Variants in STK39 observed in about 807,000 individuals in gnomAD.
The protein encoded by STK39 is STE20/SPS1-related proline-alanine-rich protein kinase.
A neutral mutation model predicts 77.8 loss-of-function variants in STK39; 20 were observed. That is an observed-to-expected ratio of 0.26 (90% CI 0.18 to 0.37). The LOEUF (loss-of-function observed/expected upper bound fraction) is 0.37, where lower values mean the gene tolerates loss of function less well. Among genes scored for constraint, STK39 ranks in the 10% least tolerant of loss-of-function variants. The pLI is 1.00. For synonymous variants in STK39, 246 were observed against 234.1 expected, an observed-to-expected ratio of 1.05 and a Z score of -0.47; for missense variants, 479 against 656.5, an observed-to-expected ratio of 0.73 and a Z score of 2.95.
At chr2:167,965,258 T>C (rs537766537) in intron 16 of STK39, among the ~76,000 whole-genome samples, 2 of 152,366 alleles carry the variant, frequency 1.3e-5, no homozygotes, top group Non-Finnish European at 2.9e-5. Context: ...GGATAACCTC[T>C]ACAACTCAAG....
chr2:168,046,142 C>T (rs1446849636), intron 14 of STK39, among the ~76,000 whole-genome samples: 2 of 151,954 alleles, frequency 1.3e-5, no homozygotes, highest in African/African-American at 2.4e-5. Flanking sequence ...CTGAGGCGGG[C>T]GGATCACGAG....
At chr2:168,171,540 C>T (rs1270157147) in intron 2 of STK39, among the ~76,000 whole-genome samples, 3 of 150,348 alleles carry the variant, frequency 2.0e-5, no homozygotes, top group Non-Finnish European at 4.4e-5. Flanking sequence ...GGCTGGAGTG[C>T]AATGGCGCAA....
At chr2:167,988,282 A>G (rs1683609845) in intron 16 of STK39, among the ~76,000 whole-genome samples, 1 of 152,158 alleles carries the variant, frequency 6.6e-6, no homozygotes, top group African/African-American at 2.4e-5. Context: ...CTCATGTAAA[A>G]GCTGATTTTT....
chr2:168,008,045 G>T (rs774521038), intron 16 of STK39, among the ~76,000 whole-genome samples: 10 of 152,054 alleles, frequency 6.6e-5, no homozygotes, highest in Non-Finnish European at 1.2e-4. Flanking sequence ...TCACTCCCCT[G>T]CCCCCTTCAT....
intron 3 of STK39, 103 bp downstream of exon 3, chr2:168,167,196 A>G (rs376374799): frequency 2.1e-6 from 2 of 966,574 alleles, no homozygotes; most frequent in African/African-American, 3.3e-5. Context: ...AAACTTTCAA[A>G]CACAGGAGAG....
chr2:168,091,796 T>C (rs888911397), intron 10 of STK39, among the ~76,000 whole-genome samples: 4 of 152,246 alleles, frequency 2.6e-5, no homozygotes, highest in Admixed American at 1.3e-4. Context: ...ATTTTATCTA[T>C]ACATTCCAAC....
At chr2:168,097,276 T>C (rs191398488) in intron 10 of STK39, among the ~76,000 whole-genome samples, 1 of 152,244 alleles carries the variant, frequency 6.6e-6, no homozygotes, top group Non-Finnish European at 1.5e-5. Context: ...TATTTGTTCA[T>C]GTATCCATTT....
intron 16 of STK39, among the ~76,000 whole-genome samples, chr2:167,967,861 G>A (rs982195005): frequency 1.3e-5 from 2 of 152,052 alleles, no homozygotes; most frequent in Non-Finnish European, 2.9e-5. Context: ...GGTGTATTGT[G>A]TGATGCTGAG....
At chr2:167,977,437 C>T (rs971090343) in intron 16 of STK39, among the ~76,000 whole-genome samples, 1 of 152,102 alleles carries the variant, frequency 6.6e-6, no homozygotes, top group Non-Finnish European at 1.5e-5. Context: ...AGTTTAATTT[C>T]TCTTCAGAAT....
At chr2:168,193,461 G>A (rs1000304870) in intron 1 of STK39, among the ~76,000 whole-genome samples, 2 of 152,240 alleles carry the variant, frequency 1.3e-5, no homozygotes, top group Non-Finnish European at 2.9e-5. Context: ...AGGGGGCCCT[G>A]AGAACATCAT....
At chr2:168,003,548 C>T (rs1056840097) in intron 16 of STK39, among the ~76,000 whole-genome samples, 14 of 152,088 alleles carry the variant, frequency 9.2e-5, no homozygotes, top group African/African-American at 1.4e-4. Context: ...GGCTGCAGTG[C>T]CTTTTTGAAA....
At chr2:167,969,155 TAA>T (rs1347089855) in intron 16 of STK39, among the ~76,000 whole-genome samples, 1 of 152,256 alleles carries the variant, frequency 6.6e-6, no homozygotes, top group Non-Finnish European at 1.5e-5. Context: ...TTCACACACA[TAA>T]AGTGCTTAGA....
chr2:167,960,642 G>A (rs941422475), intron 17 of STK39, among the ~76,000 whole-genome samples: 1 of 152,028 alleles, frequency 6.6e-6, no homozygotes, highest in Non-Finnish European at 1.5e-5. Flanking sequence ...CACCCCTCCC[G>A]CCATGACAGC....
At chr2:168,127,030 C>T (rs1451520330) in intron 10 of STK39, among the ~76,000 whole-genome samples, 1 of 152,162 alleles carries the variant, frequency 6.6e-6, no homozygotes, top group Non-Finnish European at 1.5e-5. Context: ...AAGTAAATGG[C>T]AGAAGACATG....
chr2:168,075,336 C>G, intron 10 of STK39, 105 bp from the exon 11 acceptor site: 1 of 1,471,118 alleles, frequency 6.8e-7, no homozygotes, highest in African/African-American at 1.4e-5. Context: ...TGAAAATAAC[C>G]TGAGTGGCTG....
chr2:168,020,003 CAA>C (rs1684531721), intron 14 of STK39, among the ~76,000 whole-genome samples: 1 of 152,144 alleles, frequency 6.6e-6, no homozygotes, highest in African/African-American at 2.4e-5. Flanking sequence ...CTGCGCCTGG[CAA>C]AGTTTCTTAA....
In STK39 at chr2:168,129,570, T is replaced by G. The variant is rs1802105; in HGVS notation, c.1060A>C (p.Thr354Pro). Residue 354 changes from threonine to proline, a missense_variant, in exon 10 of 18, where the codon ACA (threonine) becomes CCA (proline). Thr to Pro is a conservative substitution (Grantham distance 38, BLOSUM62 -1). Coordinates refer to ENST00000355999, the MANE Select transcript of STK39 (RefSeq NM_013233.3). ...EYLIEKLLTR[T>P]PDIAQRAKKV... ...TTGGCTCTTTGGGCTATGTCTGGTG[T>G]TCTTGTAAGCAGCTTCTCAATCAGG... 1.9e-6 allele frequency: 3 copies of G among 1,613,980 alleles called. No homozygotes were observed. Among genetic ancestry groups the G allele is most frequent in the Non-Finnish European group, 2.5e-6 (3 of 1,179,976 alleles).
intron 14 of STK39, among the ~76,000 whole-genome samples, chr2:168,031,336 A>G (rs1040654848): frequency 6.6e-6 from 1 of 152,162 alleles, no homozygotes; most frequent in African/African-American, 2.4e-5. Context: ...AAGAGAAGGG[A>G]AATCTGAAGC....
chr2:167,983,477 AAAGGAAGGAAGGAAGGAAGG>A (rs35073385), intron 16 of STK39, among the ~76,000 whole-genome samples: 2,861 of 130,746 alleles, frequency 0.022, 107 homozygotes, highest in African/African-American at 0.078. Context: ...AAAAGAAATG[AAAGGAAGGAAGGAAGGAAGG>A]AAGGAAGGAA....
Sources: allele counts gnomAD v4.1 joint callset (sites outside exome capture counted in the v4.1 genomes callset), GRCh38; gene constraint gnomAD v4.1.1; transcripts MANE v1.5; gene names NCBI Gene and HGNC (gene_info 2026-07-23, HGNC 2026-07-21).